The following ADAMTS17 variants were observed in gnomAD, a reference collection of about 807,000 sequenced individuals.
The protein encoded by ADAMTS17 is ADAM metallopeptidase with thrombospondin type 1 motif 17.
ADAMTS17 carries 113 observed loss-of-function variants against 141.5 expected under a neutral mutation model. The observed-to-expected ratio is 0.80, with a 90% CI of 0.69 to 0.93. ADAMTS17 has a LOEUF of 0.93. Ranked by LOEUF, ADAMTS17 falls within the 40% of genes least tolerant of loss-of-function variation. ADAMTS17 has a pLI of 0.00. For missense variants in ADAMTS17, 1,659 were observed against 1,517.9 expected (o/e 1.09, Z -1.54); for synonymous variants, 768 against 630.6 (o/e 1.22, Z -3.27).
intron 6 of ADAMTS17, among the ~76,000 whole-genome samples, chr15:100,260,029 G>C (rs2043461936): frequency 6.6e-6 from 1 of 152,116 alleles, no homozygotes; most frequent in African/African-American, 2.4e-5. Flanking sequence ...ATTTTTAGTA[G>C]AGACGGGGTT....
chr15:100,143,942 G>C (rs2038778180), intron 10 of ADAMTS17, among the ~76,000 whole-genome samples: 1 of 152,182 alleles, frequency 6.6e-6, no homozygotes, highest in Admixed American at 6.5e-5. Context: ...GAGAGGACCA[G>C]TCAGAAAGAA....
intron 12 of ADAMTS17, among the ~76,000 whole-genome samples, chr15:100,124,906 G>A (rs968284200): frequency 6.6e-6 from 1 of 152,224 alleles, no homozygotes; most frequent in Non-Finnish European, 1.5e-5. Context: ...GCAAAGGTTT[G>A]CTGAGACCAA....
rs1360899468 is a variant in ADAMTS17 at position 100,341,100 on chromosome 15, C to A, written c.389G>T (p.Arg130Leu). The part of the protein sequence containing the change: ...RPAELCFYSG[R>L]VLGHPGSLVS... Reference sequence around the variant, plus strand: ...GAGGGAGCCGGGGTGGCCGAGCACACGGCCCGAGTAGAAGCACAGCTCGGC... The same window carrying A: ...GAGGGAGCCGGGGTGGCCGAGCACAAGGCCCGAGTAGAAGCACAGCTCGGC... Residue 130 changes from arginine (R) to leucine (L), a missense_variant, in exon 2 of 22, where the codon CGT becomes CTT. Coordinates refer to ENST00000268070, the MANE Select transcript of ADAMTS17 (RefSeq NM_139057.4). 6 of 1,514,058 alleles carry A rather than the reference C, an allele frequency of 4.0e-6. No homozygotes were observed. The South Asian group carries it at 6.0e-5, about 15-fold the overall frequency. 93.8% of individuals were successfully genotyped at this position (1,514,058 alleles called of 1,614,324 possible).
At chr15:100,193,915 C>T (rs746903755) in intron 8 of ADAMTS17, among the ~76,000 whole-genome samples, 11 of 152,174 alleles carry the variant, frequency 7.2e-5, no homozygotes, top group Non-Finnish European at 1.5e-4. Context: ...TGAGCACGTG[C>T]GTGGCGCTGG....
intron 12 of ADAMTS17, among the ~76,000 whole-genome samples, chr15:100,117,325 G>C (rs561485128): frequency 6.6e-5 from 10 of 152,252 alleles, no homozygotes; most frequent in African/African-American, 1.9e-4. Context: ...TTGGCCATGG[G>C]TAACACTGAA....
At chr15:99,994,228 G>C (rs1030250606) in intron 19 of ADAMTS17, among the ~76,000 whole-genome samples, 9 of 152,188 alleles carry the variant, frequency 5.9e-5, no homozygotes, top group Admixed American at 2.6e-4. Flanking sequence ...TGTGCAGGAG[G>C]CTGCAGTCTG....
At chr15:100,312,251 T>A (rs922256988) in intron 3 of ADAMTS17, among the ~76,000 whole-genome samples, 1 of 152,140 alleles carries the variant, frequency 6.6e-6, no homozygotes, top group Non-Finnish European at 1.5e-5. Context: ...CAGAGGGAAA[T>A]CTGACTACAG....
intron 18 of ADAMTS17, among the ~76,000 whole-genome samples, chr15:99,999,138 C>G (rs981867629): frequency 6.6e-6 from 1 of 152,156 alleles, no homozygotes; most frequent in Non-Finnish European, 1.5e-5. Context: ...GGGCCTCCCA[C>G]GTGCCAGGCA....
At chr15:100,261,402 C>A (rs2043510714) in intron 6 of ADAMTS17, 77 bp downstream of exon 6, 3 of 1,602,526 alleles carry the variant, frequency 1.9e-6, no homozygotes, top group East Asian at 2.2e-5. Flanking sequence ...GAGTTCTTAA[C>A]AACATGCCTA....
At chr15:100,153,141 AACAAGT>A (rs1453857556) in intron 9 of ADAMTS17, among the ~76,000 whole-genome samples, 5 of 152,238 alleles carry the variant, frequency 3.3e-5, no homozygotes, top group African/African-American at 4.8e-5. Context: ...ATGAATAAAG[AACAAGT>A]ACAAGTTAGA....
intron 15 of ADAMTS17, among the ~76,000 whole-genome samples, 192 bp from the exon 16 acceptor site, chr15:100,054,246 GGA>G (rs1567094625): frequency 6.6e-6 from 1 of 152,180 alleles, no homozygotes; most frequent in Non-Finnish European, 1.5e-5. Context: ...CAGGGAGCAC[GGA>G]GATGCAGACC....
chr15:100,201,944 G>A (rs552883065), intron 7 of ADAMTS17, among the ~76,000 whole-genome samples: 13 of 152,302 alleles, frequency 8.5e-5, no homozygotes, highest in African/African-American at 2.2e-4. Context: ...GCACGCACAC[G>A]CTCAGACACA....
At chr15:100,006,304 G>T (rs1466002583) in intron 18 of ADAMTS17, among the ~76,000 whole-genome samples, 1 of 152,178 alleles carries the variant, frequency 6.6e-6, no homozygotes, top group Non-Finnish European at 1.5e-5. Context: ...CTGTGGGGCC[G>T]TTATTCTGCC....
At chr15:100,002,199 C>T (rs2060942197) in intron 18 of ADAMTS17, among the ~76,000 whole-genome samples, 1 of 151,938 alleles carries the variant, frequency 6.6e-6, no homozygotes, top group Non-Finnish European at 1.5e-5. Context: ...CTTTGTCCTG[C>T]CCTTTTGCAG....
chr15:100,015,660 T>C (rs1031113123), intron 18 of ADAMTS17, among the ~76,000 whole-genome samples: 4 of 152,316 alleles, frequency 2.6e-5, no homozygotes, highest in Admixed American at 2.0e-4. Context: ...ACTTGGCTGA[T>C]AATTGTTTTG....
At chr15:100,322,519 C>T (rs1361541654) in intron 3 of ADAMTS17, among the ~76,000 whole-genome samples, 2 of 152,190 alleles carry the variant, frequency 1.3e-5, no homozygotes, top group Non-Finnish European at 2.9e-5. Flanking sequence ...TTTACAATAT[C>T]CAGAACACAA....
Position 99,997,336 on chromosome 15 carries a change from G to T in ADAMTS17, c.2796+49C>A. On this transcript the variant is annotated intron_variant, in intron 19 of 21. Coordinates refer to ENST00000268070, the MANE Select transcript of ADAMTS17 (RefSeq NM_139057.4). This position sits in a 1 kb window ranked among gnomAD's most constrained non-coding sequence, Gnocchi z 4.7. Reference sequence around the variant, plus strand: ...AGAATGTCACCAATACCATGGCACCGTGTTGGAGTCCCTGTGGCTGAGTCC... The same window carrying T: ...AGAATGTCACCAATACCATGGCACCTTGTTGGAGTCCCTGTGGCTGAGTCC... 6.2e-7 allele frequency: 1 copy of T among 1,604,238 alleles called. No homozygotes were observed.
At chr15:100,187,614 C>T (rs2040765455) in intron 8 of ADAMTS17, among the ~76,000 whole-genome samples, 1 of 152,146 alleles carries the variant, frequency 6.6e-6, no homozygotes, top group African/African-American at 2.4e-5. Context: ...TCTTCCAGGC[C>T]ATGGGTAATA....
rs1026042055 is a variant in ADAMTS17 at position 100,057,992 on chromosome 15, C to G, written c.2138-3938G>C. On this transcript the variant is annotated intron_variant, in intron 15 of 21. Coordinates refer to ENST00000268070, the MANE Select transcript of ADAMTS17 (RefSeq NM_139057.4). ...AAAGCTAATCACGATGAGGGCAGAA[C>G]AGGCGAGGAAAGAAAATTACTATTA... is the stretch of plus-strand genomic sequence containing the variant. Among the ~76,000 whole-genome samples, 6 of 152,002 alleles carry G rather than the reference C, an allele frequency of 3.9e-5. No homozygotes were observed. In the East Asian group the frequency reaches 5.8e-4, roughly 15 times the overall value.
Sources: allele counts gnomAD v4.1 joint callset (sites outside exome capture counted in the v4.1 genomes callset), GRCh38; gene constraint gnomAD v4.1.1; non-coding constraint Gnocchi (gnomAD v3.1); transcripts MANE v1.5; gene names NCBI Gene and HGNC (gene_info 2026-07-23, HGNC 2026-07-21).